DCLK1: variants seen among roughly 807,000 people sequenced by gnomAD.
DCLK1 encodes the protein doublecortin like kinase 1.
In DCLK1, 16 loss-of-function variants were observed where a neutral mutation model predicts 86.2. That is an observed-to-expected ratio of 0.19 (90% CI 0.13 to 0.28). The LOEUF is 0.28. DCLK1 is among the 10% of genes least tolerant of loss of function. DCLK1 has a pLI of 1.00. For missense variants in DCLK1, 590 were observed against 940.2 expected (o/e 0.63, Z 4.87); for synonymous variants, 369 against 370.5 (o/e 1.00, Z 0.05).
Position 35,904,261 on chromosome 13 carries a change from G to T in DCLK1, c.824-32921C>A, listed in dbSNP as rs566699947. Among the ~76,000 whole-genome samples, 9 of 152,260 alleles carry T rather than the reference G, an allele frequency of 5.9e-5. No homozygotes were observed. The South Asian group carries it at 1.9e-3, about 32-fold the overall frequency. On this transcript the variant is annotated intron_variant, in intron 4 of 16. Coordinates refer to ENST00000360631, the MANE Select transcript of DCLK1 (RefSeq NM_001330071.2). ...GACAGAGTCTGACTTTGTTGCCCAG[G>T]CTGGAGTGCAGTGGCTCGATCTTGG... is the stretch of plus-strand genomic sequence containing the variant.
chr13:35,821,703 A>G (rs1451900660), intron 11 of DCLK1, among the ~76,000 whole-genome samples: 1 of 126,296 alleles, frequency 7.9e-6, no homozygotes, highest in East Asian at 2.7e-4. Flanking sequence ...CACAGTATAT[A>G]GAAATGAAAT....
intron 3 of DCLK1, among the ~76,000 whole-genome samples, chr13:36,068,078 C>T (rs990366299): frequency 2.6e-5 from 4 of 152,020 alleles, no homozygotes; most frequent in East Asian, 1.9e-4. Flanking sequence ...ATGACCACAC[C>T]GATTAATATT....
intron 3 of DCLK1, among the ~76,000 whole-genome samples, chr13:36,008,752 C>A (rs1166222711): frequency 6.6e-6 from 1 of 151,222 alleles, no homozygotes. Flanking sequence ...AATGGGATGG[C>A]TGGGTCAAAT....
At chr13:35,792,236 G>A (rs534209471) in intron 16 of DCLK1, among the ~76,000 whole-genome samples, 2 of 152,232 alleles carry the variant, frequency 1.3e-5, no homozygotes, top group African/African-American at 2.4e-5. Context: ...CGAGAAACAC[G>A]AAATGCAAAC....
rs561667113 is a variant in DCLK1 at position 35,809,246 on chromosome 13, C to A, written c.1689-151G>T. ...CAAACGCTAAACTAAAACCCACCACCTAAACAGAGTTCAAAGAAAAAGTTT... is the reference window on the plus strand; with the variant it reads ...CAAACGCTAAACTAAAACCCACCACATAAACAGAGTTCAAAGAAAAAGTTT... On this transcript the variant is annotated intron_variant, in intron 12 of 16. Coordinates refer to ENST00000360631, the MANE Select transcript of DCLK1 (RefSeq NM_001330071.2). 10 of 485,454 alleles carry A rather than the reference C, an allele frequency of 2.1e-5. No individual in the cohort carries two copies. The South Asian group carries it at 5.5e-4, about 27-fold the overall frequency. 30.1% of individuals were successfully genotyped at this position (485,454 alleles called of 1,614,324 possible). A position where few individuals can be genotyped will look rare whatever the true frequency, so the allele number is the denominator to read the frequency against.
intron 6 of DCLK1, chr13:35,849,668 A>G: frequency 2.0e-6 from 2 of 984,214 alleles, no homozygotes; most frequent in South Asian, 4.7e-5. Flanking sequence ...AATGGGTTAT[A>G]ATCATAGACT....
At chr13:35,974,006 T>C (rs1316275077) in intron 3 of DCLK1, among the ~76,000 whole-genome samples, 2 of 151,948 alleles carry the variant, frequency 1.3e-5, no homozygotes, top group Non-Finnish European at 2.9e-5. Context: ...TGGTACCTCA[T>C]TTTTCTGCAA....
intron 11 of DCLK1, among the ~76,000 whole-genome samples, chr13:35,818,298 T>C (rs993546361): frequency 5.3e-5 from 8 of 152,212 alleles, no homozygotes; most frequent in Admixed American, 2.6e-4. Flanking sequence ...GAAGGAAATA[T>C]GTTATCTTGT....
intron 3 of DCLK1, among the ~76,000 whole-genome samples, chr13:36,087,705 T>C (rs1176062056): frequency 6.6e-6 from 1 of 152,022 alleles, no homozygotes; most frequent in African/African-American, 2.4e-5. Context: ...GGCTTCTCCC[T>C]CCTCTCCACT....
intron 3 of DCLK1, among the ~76,000 whole-genome samples, chr13:36,096,783 T>C (rs1885035855): frequency 6.6e-6 from 1 of 152,108 alleles, no homozygotes; most frequent in South Asian, 2.1e-4. Context: ...TGTCACCAAA[T>C]GGGGCCCCAA....
intron 3 of DCLK1, among the ~76,000 whole-genome samples, chr13:36,035,002 C>T (rs1882431379): frequency 6.6e-6 from 1 of 152,118 alleles, no homozygotes; most frequent in Non-Finnish European, 1.5e-5. Context: ...CTGTGGCTTC[C>T]TCCTTTGCTG....
intron 3 of DCLK1, among the ~76,000 whole-genome samples, chr13:36,067,819 A>T (rs765531989): frequency 1.2e-4 from 18 of 152,118 alleles, no homozygotes; most frequent in Non-Finnish European, 2.4e-4. Context: ...AGCAGGCAGC[A>T]TTTCCTGCAA....
intron 3 of DCLK1, among the ~76,000 whole-genome samples, chr13:36,111,385 T>C (rs756103086): frequency 9.2e-5 from 14 of 152,328 alleles, no homozygotes; most frequent in Non-Finnish European, 1.5e-4. Context: ...GATGGAAATA[T>C]GTCATTTCTT....
At chr13:35,810,369 C>T (rs1217859470) in intron 12 of DCLK1, among the ~76,000 whole-genome samples, 1 of 152,130 alleles carries the variant, frequency 6.6e-6, no homozygotes, top group Admixed American at 6.5e-5. Context: ...GTCCCTGATG[C>T]CTAAGGGTGT....
chr13:36,075,659 T>C (rs149878123), intron 3 of DCLK1, among the ~76,000 whole-genome samples: 2 of 152,292 alleles, frequency 1.3e-5, no homozygotes, highest in East Asian at 3.9e-4. Flanking sequence ...AAAATGTGCA[T>C]GAAATGAAGA....
intron 3 of DCLK1, among the ~76,000 whole-genome samples, chr13:35,974,493 G>A (rs1879231538): frequency 1.3e-5 from 2 of 152,210 alleles, no homozygotes; most frequent in South Asian, 4.1e-4. Flanking sequence ...AATTTTGGAG[G>A]AGGGACATGG....
At chr13:35,846,541 A>G in intron 6 of DCLK1, 1 of 985,380 alleles carries the variant, frequency 1.0e-6, no homozygotes, top group South Asian at 4.7e-5. Flanking sequence ...ACCCTTAAAA[A>G]TTATAGTGAG....
chr13:35,936,805 C>T (rs73523608), intron 4 of DCLK1, among the ~76,000 whole-genome samples: 3,565 of 152,140 alleles, frequency 0.023, 140 homozygotes, highest in African/African-American at 0.081. Flanking sequence ...CCAAGAGGAG[C>T]ATCTGAGGCC....
intron 4 of DCLK1, among the ~76,000 whole-genome samples, chr13:35,874,809 TCA>T (rs1387732240): frequency 1.3e-5 from 2 of 152,212 alleles, no homozygotes; most frequent in Non-Finnish European, 2.9e-5. Context: ...CAAGGAGATC[TCA>T]GATTAGCTCA....
Sources: gnomAD v4.1 joint callset for allele counts (sites outside exome capture counted in the v4.1 genomes callset) on GRCh38, gnomAD v4.1.1 for gene constraint, MANE v1.5 for transcripts, NCBI Gene and HGNC (gene_info 2026-07-23, HGNC 2026-07-21) for gene names.